SLC4A4: variants seen among roughly 807,000 people sequenced by gnomAD.
The protein encoded by SLC4A4 is solute carrier family 4 member 4.
SLC4A4 carries 27 observed loss-of-function variants against 111.5 expected under a neutral mutation model. The observed-to-expected ratio is 0.24, with a 90% CI of 0.18 to 0.33. SLC4A4 has a LOEUF of 0.33. Ranked by LOEUF, SLC4A4 falls within the 10% of genes least tolerant of loss-of-function variation. The probability of loss-of-function intolerance (pLI) is 1.00; values close to 1 mark genes in which losing one functional copy is unlikely to be tolerated. For synonymous variants in SLC4A4, 443 were observed against 463.4 expected, an observed-to-expected ratio of 0.96 and a Z score of 0.57; for missense variants, 909 against 1,315.5, an observed-to-expected ratio of 0.69 and a Z score of 4.78.
rs1455510286 is a variant in SLC4A4, at chr4:71,114,367, G to A, written c.-2+21575G>A. ...AATTAAACTAAAGAGCTTCTGCACA[G>A]CAAAAGAAACTACCATCAGAGTGAA... On this transcript the variant is annotated intron_variant, in intron 2 of 26. Transcript: ENST00000649996. Among the ~76,000 whole-genome samples the A allele has an allele frequency of 2.0e-5, 3 of 151,390 alleles. 1 individual carries two copies. Among genetic ancestry groups the A allele is most frequent in the African/African-American group, 7.3e-5 (3 of 41,116 alleles).
intron 2 of SLC4A4, among the ~76,000 whole-genome samples, chr4:71,101,649 C>G (rs935104193): frequency 6.6e-5 from 10 of 152,190 alleles, no homozygotes; most frequent in African/African-American, 9.7e-5. Context: ...AGGCAACCCC[C>G]AGCAGGGGCA....
At chr4:71,177,069 A>G (rs1449285527) in intron 2 of SLC4A4, among the ~76,000 whole-genome samples, 1 of 152,186 alleles carries the variant, frequency 6.6e-6, no homozygotes, top group Non-Finnish European at 1.5e-5. Flanking sequence ...TTACATATCC[A>G]GCCAAACTAA....
At chr4:71,392,574 A>G (rs947571094) in intron 6 of SLC4A4, among the ~76,000 whole-genome samples, 5 of 152,104 alleles carry the variant, frequency 3.3e-5, no homozygotes, top group Non-Finnish European at 5.9e-5. Context: ...CAGAGTGTTG[A>G]TAGAATTGGT....
chr4:71,300,614 G>A (rs888163880), intron 3 of SLC4A4: 2 of 304,748 alleles, frequency 6.6e-6, no homozygotes, highest in Non-Finnish European at 1.3e-5. Context: ...CTCTTCATGA[G>A]CAGCTCTGTA....
chr4:71,521,297 T>C (rs1487456195), intron 16 of SLC4A4, among the ~76,000 whole-genome samples: 1 of 152,096 alleles, frequency 6.6e-6, no homozygotes, highest in East Asian at 1.9e-4. Flanking sequence ...GGTGGAGTAA[T>C]CATGGCTTAC....
At chr4:71,123,390 T>C (rs1310226941) in intron 2 of SLC4A4, among the ~76,000 whole-genome samples, 1 of 152,180 alleles carries the variant, frequency 6.6e-6, no homozygotes, top group East Asian at 1.9e-4. Flanking sequence ...AGCATTGTCA[T>C]TGGATTTCTC....
chr4:71,414,513 C>A (rs1278265168), intron 7 of SLC4A4, among the ~76,000 whole-genome samples: 4 of 152,190 alleles, frequency 2.6e-5, no homozygotes, highest in African/African-American at 9.7e-5. Flanking sequence ...ACTTTTAACT[C>A]TTGGTTGCCT....
chr4:71,162,857 A>G (rs200353625), intron 2 of SLC4A4, among the ~76,000 whole-genome samples: 1 of 152,150 alleles, frequency 6.6e-6, no homozygotes, highest in African/African-American at 2.4e-5. Flanking sequence ...TTTCAATTGT[A>G]TTTCTTTTTC....
chr4:71,373,322 T>C (rs1443432352), intron 6 of SLC4A4, among the ~76,000 whole-genome samples: 1 of 152,230 alleles, frequency 6.6e-6, no homozygotes, highest in Admixed American at 6.5e-5. Flanking sequence ...GCATTTATTA[T>C]ACTCTCTGCA....
chr4:71,427,670 T>C (rs552641372), intron 7 of SLC4A4, among the ~76,000 whole-genome samples: 2 of 151,242 alleles, frequency 1.3e-5, no homozygotes, highest in South Asian at 4.2e-4. Context: ...CTCTAGATGA[T>C]ATTATCTTCC....
intron 4 of SLC4A4, among the ~76,000 whole-genome samples, chr4:71,346,802 T>G (rs988228909): frequency 1.3e-5 from 2 of 152,186 alleles, no homozygotes; most frequent in Admixed American, 6.6e-5. Flanking sequence ...CAAATGCATT[T>G]GTTGGAAGTA....
intron 6 of SLC4A4, among the ~76,000 whole-genome samples, chr4:71,365,244 C>T (rs1246159628): frequency 6.6e-6 from 1 of 152,084 alleles, no homozygotes; most frequent in African/African-American, 2.4e-5. Context: ...TTTCTTCATT[C>T]CCCTTTCCTG....
intron 1 of SLC4A4, among the ~76,000 whole-genome samples, chr4:71,064,172 T>C (rs563639534): frequency 3.3e-5 from 5 of 152,216 alleles, no homozygotes; most frequent in Admixed American, 6.5e-5. Flanking sequence ...ATATGTATGG[T>C]ATAGTGGGAA....
chr4:71,118,344 G>A (rs1418306506), intron 2 of SLC4A4, among the ~76,000 whole-genome samples: 3 of 151,750 alleles, frequency 2.0e-5, no homozygotes, highest in East Asian at 1.9e-4. Flanking sequence ...CCTTTTCTTC[G>A]ATAATACAAG....
At chr4:71,376,052 C>T (rs367880256) in intron 6 of SLC4A4, among the ~76,000 whole-genome samples, 5 of 148,342 alleles carry the variant, frequency 3.4e-5, no homozygotes, top group East Asian at 2.0e-4. Flanking sequence ...CATATATACA[C>T]GTATATATAT....
chr4:71,308,513 A>G (rs2579349), intron 3 of SLC4A4, among the ~76,000 whole-genome samples: 4,698 of 151,952 alleles, frequency 0.031, 251 homozygotes, highest in African/African-American at 0.11. Flanking sequence ...TGCATTTCCA[A>G]CTGAGGTAGC....
intron 2 of SLC4A4, among the ~76,000 whole-genome samples, chr4:71,154,421 A>G (rs1744403693): frequency 6.6e-6 from 1 of 152,176 alleles, no homozygotes; most frequent in Non-Finnish European, 1.5e-5. Flanking sequence ...TGGGATACAC[A>G]GCATAAGAAT....
At chr4:71,547,809 G>A (rs1735665900) in intron 20 of SLC4A4, 89 bp downstream of exon 20, 1 of 1,125,188 alleles carries the variant, frequency 8.9e-7, no homozygotes, top group Non-Finnish European at 1.4e-6. Context: ...TGAGATATTT[G>A]CGAGATTCTC....
chr4:71,198,837 T>A (rs927263809), intron 1 of SLC4A4, among the ~76,000 whole-genome samples: 1 of 151,908 alleles, frequency 6.6e-6, no homozygotes, highest in African/African-American at 2.4e-5. Context: ...CTGAGAGAAG[T>A]AGGTTTAGCT....
Sources: gnomAD v4.1 joint callset for allele counts (sites outside exome capture counted in the v4.1 genomes callset) on GRCh38, gnomAD v4.1.1 for gene constraint, MANE v1.5 for transcripts, NCBI Gene and HGNC (gene_info 2026-07-23, HGNC 2026-07-21) for gene names.